Variants in ERMAP observed in about 807,000 individuals in gnomAD.
ERMAP encodes erythroblast membrane associated protein (Scianna blood group), also known as erythroid membrane-associated protein.
ERMAP carries 34 observed loss-of-function variants against 49.5 expected under a neutral mutation model. The ratio of observed to expected loss-of-function variants is 0.69; its 90% CI spans 0.52 to 0.91. The LOEUF (loss-of-function observed/expected upper bound fraction) is 0.91. Among genes scored for constraint, ERMAP ranks in the 40% least tolerant of loss-of-function variants. ERMAP has a pLI of 0.00. For synonymous variants in ERMAP, 214 were observed against 232.2 expected (o/e 0.92, Z 0.71); for missense variants, 541 against 582.6 (o/e 0.93, Z 0.74).
Position 42,844,071 on chromosome 1 carries a change from T to C in ERMAP, c.*839T>C, listed in dbSNP as rs370965185. On this transcript the variant is annotated 3_prime_UTR_variant, in exon 12 of 12. Coordinates refer to ENST00000372517, the MANE Select transcript of ERMAP (RefSeq NM_001017922.2). This position sits in a 1 kb window ranked among gnomAD's most constrained non-coding sequence, Gnocchi z 4.0. ...TGAATCAATCTGTTGTGCCAACCCTTTCTGAGATTCAGAGAGGTCCAGCTA... is the reference window on the plus strand; with the variant it reads ...TGAATCAATCTGTTGTGCCAACCCTCTCTGAGATTCAGAGAGGTCCAGCTA... The C allele has an allele frequency of 6.5e-4, 260 of 398,646 alleles. 2 individuals carry two copies. Among genetic ancestry groups the C allele is most frequent in the Admixed American group, 1.1e-3 (25 of 22,736 alleles). The allele number at this position is 398,646 out of a possible 1,614,324, so 24.7% of individuals were successfully genotyped here. A position where few individuals can be genotyped will look rare whatever the true frequency, so the allele number is the denominator to read the frequency against.
chr1:42,842,570 G>A lies in ERMAP; in HGVS notation c.766G>A (p.Asp256Asn). The A allele has an allele frequency of 6.2e-7, 1 of 1,614,094 alleles. No homozygotes were observed. Among genetic ancestry groups the A allele is most frequent in the Admixed American group, 1.7e-5 (1 of 60,014 alleles). ...TAHPKLILSEDQRCVRLGDRR... is the reference protein window; with the variant it reads ...TAHPKLILSENQRCVRLGDRR... ...ACATCCCAAACTCATCCTTTCTGAG[G>A]ACCAAAGATGTGTAAGGCTTGGAGA... is the stretch of plus-strand genomic sequence containing the variant. Residue 256 changes from aspartate to asparagine, a missense_variant, in exon 12 of 12, where the codon GAC becomes AAC. Coordinates refer to ENST00000372517, the MANE Select transcript of ERMAP (RefSeq NM_001017922.2).
At chr1:42,825,545 G>GC in intron 1 of ERMAP, 78 bp from the exon 2 acceptor site, 1 of 1,214,872 alleles carries the variant, frequency 8.2e-7, no homozygotes, top group Non-Finnish European at 1.0e-6. Context: ...CAGCGAGAAG[G>GC]GAGTTCTGTG....
intron 7 of ERMAP, 69 bp from the exon 8 acceptor site, chr1:42,838,832 C>T (rs1052754319): frequency 9.4e-6 from 15 of 1,602,926 alleles, no homozygotes; most frequent in African/African-American, 8.0e-5. Flanking sequence ...AGTGATGAGG[C>T]TGCCACAGCT....
rs1005848921 is a variant in ERMAP at position 42,843,490 on chromosome 1, T to C, written c.*258T>C. On this transcript the variant is annotated 3_prime_UTR_variant, in exon 12 of 12. Transcript: ENST00000372517. ...ATCAGTTTAGGTGCAGGTGGAGATG[T>C]TGAATATGTGTTACCAAGATACAGC... 7.9e-6 allele frequency: 3 copies of C among 380,180 alleles called. No individual in the cohort carries two copies. Among genetic ancestry groups the C allele is most frequent in the African/African-American group, 4.2e-5 (2 of 48,088 alleles). The allele number at this position is 380,180 out of a possible 1,614,324, so 23.6% of individuals were successfully genotyped here. A position where few individuals can be genotyped will look rare whatever the true frequency, so the allele number is the denominator to read the frequency against.
intron 3 of ERMAP, 53 bp from the exon 4 acceptor site, chr1:42,830,715 C>T: frequency 2.0e-6 from 3 of 1,477,684 alleles, no homozygotes; most frequent in South Asian, 1.3e-5. Flanking sequence ...CATCCCTTCC[C>T]AAGCTTTCTC....
chr1:42,829,345 G>A (rs560247357), intron 2 of ERMAP, among the ~76,000 whole-genome samples: 9 of 152,296 alleles, frequency 5.9e-5, no homozygotes, highest in South Asian at 2.1e-4. Context: ...CACCCCCTCC[G>A]TGTGTCATGA....
At chr1:42,818,436 A>G (rs755176297) in intron 1 of ERMAP, among the ~76,000 whole-genome samples, 1 of 152,210 alleles carries the variant, frequency 6.6e-6, no homozygotes, top group Non-Finnish European at 1.5e-5. Context: ...TGTAAGGTGA[A>G]AAAGTTCTAG....
At chr1:42,837,231 C>T (rs780863470) in intron 7 of ERMAP, 41 bp downstream of exon 7, 1 of 1,587,378 alleles carries the variant, frequency 6.3e-7, no homozygotes, top group South Asian at 1.1e-5. Flanking sequence ...ACAAAAAACA[C>T]ATTCTTTATT....
At position 42,843,298 on chromosome 1, in the gene ERMAP, C is replaced by A; in HGVS notation, c.*66C>A. ...GCACCCTGGACTTCAGTCGCCTGGC[C>A]CAACCCCATGATTATGGAACGTCTC... On this transcript the variant is annotated 3_prime_UTR_variant, in exon 12 of 12. Transcript: ENST00000372517. 1 of 1,199,634 alleles carries A rather than the reference C, an allele frequency of 8.3e-7. No homozygotes were observed. The highest frequency in any genetic ancestry group is 1.2e-6 in the Non-Finnish European group (1 of 861,600). 74.3% of individuals were successfully genotyped at this position (1,199,634 alleles called of 1,614,324 possible).
At chr1:42,835,489 T>C (rs569860167) in intron 5 of ERMAP, among the ~76,000 whole-genome samples, 7 of 152,292 alleles carry the variant, frequency 4.6e-5, no homozygotes, top group South Asian at 2.1e-4. Context: ...AAGACTCTCA[T>C]AAAAAATGGT....
intron 6 of ERMAP, among the ~76,000 whole-genome samples, chr1:42,836,216 C>T (rs961295612): frequency 6.6e-6 from 1 of 152,110 alleles, no homozygotes; most frequent in African/African-American, 2.4e-5. Context: ...AAAAGCTACA[C>T]AAGAAAGCTC....
intron 2 of ERMAP, among the ~76,000 whole-genome samples, chr1:42,828,985 C>T (rs572952180): frequency 9.8e-4 from 149 of 152,264 alleles, no homozygotes; most frequent in Non-Finnish European, 1.5e-3. Context: ...TTAGGGATAA[C>T]GCCAGGGAAT....
At position 42,844,582 on chromosome 1, in the gene ERMAP, TG is replaced by T. The variant is rs1161942165; in HGVS notation, c.*1352del. ...CAAGATGGAGTCCCATGAGAGCTGATGGTTTAGTTCCAGTCTGATGGCAGCA... is the reference window on the plus strand; with the variant it reads ...CAAGATGGAGTCCCATGAGAGCTGATGTTTAGTTCCAGTCTGATGGCAGCA... On this transcript the variant is annotated 3_prime_UTR_variant, in exon 12 of 12. Coordinates refer to ENST00000372517, the MANE Select transcript of ERMAP (RefSeq NM_001017922.2). This position sits in a 1 kb window ranked among gnomAD's most constrained non-coding sequence, Gnocchi z 4.0. 3 of 153,254 alleles carry T rather than the reference TG, an allele frequency of 2.0e-5. No homozygotes were observed. The Admixed American group carries it at 2.0e-4, about 10-fold the overall frequency. 9.5% of individuals were successfully genotyped at this position (153,254 alleles called of 1,614,324 possible). A position where few individuals can be genotyped will look rare whatever the true frequency, so the allele number is the denominator to read the frequency against.
intron 1 of ERMAP, among the ~76,000 whole-genome samples, chr1:42,822,590 T>G (rs994336111): frequency 2.6e-5 from 4 of 152,258 alleles, no homozygotes; most frequent in African/African-American, 9.6e-5. Context: ...GGCATATTCA[T>G]CTCAAACATT....
chr1:42,832,178 AATTTTTTT>A (rs1654760269), intron 4 of ERMAP, among the ~76,000 whole-genome samples: 1 of 120,508 alleles, frequency 8.3e-6, no homozygotes, highest in African/African-American at 3.3e-5. Flanking sequence ...GGTGAAAATT[AATTTTTTT>A]TTTTTTTTTT....
Position 42,817,273 on chromosome 1 carries a change from G to T in ERMAP, c.-122+20G>T. 8.1e-7 allele frequency: 1 copy of T among 1,232,626 alleles called. No homozygotes were observed. Among genetic ancestry groups the T allele is most frequent in the Non-Finnish European group, 1.0e-6 (1 of 958,562 alleles). The allele number at this position is 1,232,626 out of a possible 1,614,324, so 76.4% of individuals were successfully genotyped here. ...GGGAGGGTAATCCTCGCCTTCCCCC[G>T]ACCACTGGACCCAGCGCTGCCTGCC... is the stretch of plus-strand genomic sequence containing the variant. On this transcript the variant is annotated intron_variant, in intron 1 of 11. Coordinates refer to ENST00000372517, the MANE Select transcript of ERMAP (RefSeq NM_001017922.2).
chr1:42,830,631 C>T, intron 3 of ERMAP, 98 bp downstream of exon 3: 2 of 1,486,070 alleles, frequency 1.3e-6, no homozygotes, highest in South Asian at 1.2e-5. Context: ...TTTTGGGGTT[C>T]TGTTCCCCCG....
At chr1:42,838,416 CAT>C (rs143194251) in intron 7 of ERMAP, among the ~76,000 whole-genome samples, 2 of 152,322 alleles carry the variant, frequency 1.3e-5, no homozygotes, top group Admixed American at 6.5e-5. Flanking sequence ...CCCAGAAACA[CAT>C]GTCTCATACA....
chr1:42,842,195 T>C (rs1655075334), intron 11 of ERMAP, among the ~76,000 whole-genome samples: 1 of 152,194 alleles, frequency 6.6e-6, no homozygotes, highest in Non-Finnish European at 1.5e-5. Flanking sequence ...ACTGCAGCAA[T>C]GAGGGATTAA....
Sources: gnomAD v4.1 joint callset for allele counts (sites outside exome capture counted in the v4.1 genomes callset) on GRCh38, gnomAD v4.1.1 for gene constraint, Gnocchi (gnomAD v3.1) non-coding constraint, MANE v1.5 for transcripts, NCBI Gene and HGNC (gene_info 2026-07-23, HGNC 2026-07-21) for gene names.